Variants in LONRF2 observed in about 807,000 individuals in gnomAD.
LONRF2 encodes the protein LON peptidase N-terminal domain and ring finger 2, also known as LON peptidase N-terminal domain and RING finger protein 2.
A neutral mutation model predicts 66.6 loss-of-function variants in LONRF2; 35 were observed. The ratio of observed to expected loss-of-function variants is 0.53; its 90% CI spans 0.40 to 0.70. The LOEUF is 0.70. Ranked by LOEUF, LONRF2 falls within the 30% of genes least tolerant of loss-of-function variation. The pLI is 0.00. For missense variants in LONRF2, 902 were observed against 1,002.1 expected (o/e 0.90, Z 1.35); for synonymous variants, 417 against 418.1 (o/e 1.00, Z 0.03).
At chr2:100,284,897 T>C (rs1233231325) in intron 11 of LONRF2, among the ~76,000 whole-genome samples, 4 of 152,246 alleles carry the variant, frequency 2.6e-5, no homozygotes, top group Admixed American at 2.6e-4. Flanking sequence ...AGGCTAAAAG[T>C]ATGTGTACAA....
chr2:100,300,746 A>G lies in LONRF2; in HGVS notation c.963T>C (p.His321=), dbSNP rs759301538. 1.2e-6 allele frequency: 2 copies of G among 1,613,122 alleles called. No homozygotes were observed. The highest frequency in any genetic ancestry group is 8.5e-7 in the Non-Finnish European group (1 of 1,179,680). ...TTTGGATGGAAGATGTTAAATTTTC[A>G]TGCACATTTGCTGTAGCTGAAAACA... ...EVLFSATANV[H]ENLTSSIQSR... is the part of the protein sequence containing the mutation. The change falls in exon 4 of 12, where the codon CAT becomes CAC. Residue 321 remains histidine, a synonymous_variant. Coordinates refer to ENST00000393437, the MANE Select transcript of LONRF2 (RefSeq NM_198461.4).
In LONRF2 at chr2:100,295,445, A is replaced by T; in HGVS notation, c.1585T>A (p.Ser529Thr). ...ATGAGCACTTACTTTGACAGTTCTG[A>T]CATTTCTTCATCATAAATTCTCTTC... ...DRKRIYDEEMSELSNLTRDVP... is the reference protein window; with the variant it reads ...DRKRIYDEEMTELSNLTRDVP... Residue 529 changes from serine to threonine, a missense_variant, in exon 8 of 12, where the codon TCA (serine) becomes ACA (threonine). By Grantham distance (58) the Ser-to-Thr change is moderately conservative. Coordinates refer to ENST00000393437, the MANE Select transcript of LONRF2 (RefSeq NM_198461.4). 1 of 1,613,788 alleles carries T rather than the reference A, an allele frequency of 6.2e-7. No homozygotes were observed. Among genetic ancestry groups the T allele is most frequent in the Non-Finnish European group, 8.5e-7 (1 of 1,179,876 alleles).
At chr2:100,309,981 G>C (rs1303562701) in intron 1 of LONRF2, among the ~76,000 whole-genome samples, 3 of 151,876 alleles carry the variant, frequency 2.0e-5, no homozygotes, top group Non-Finnish European at 4.4e-5. Context: ...CCCATAATTT[G>C]TTTTTCTACA....
chr2:100,320,784 G>A (rs1271598409), intron 1 of LONRF2, among the ~76,000 whole-genome samples: 1 of 152,184 alleles, frequency 6.6e-6, no homozygotes, highest in Non-Finnish European at 1.5e-5. Flanking sequence ...GTGAAGGCAG[G>A]AGAGTGCCTG....
At chr2:100,315,691 G>T (rs1167291767) in intron 1 of LONRF2, among the ~76,000 whole-genome samples, 1 of 152,102 alleles carries the variant, frequency 6.6e-6, no homozygotes, top group Non-Finnish European at 1.5e-5. Context: ...AACTTAACCT[G>T]CTTGCTACTG....
intron 7 of LONRF2, among the ~76,000 whole-genome samples, chr2:100,297,570 T>C (rs1019024192): frequency 6.6e-6 from 1 of 152,188 alleles, no homozygotes; most frequent in Middle Eastern, 3.2e-3. Context: ...TTTATTCTTG[T>C]AAGAACAGAT....
chr2:100,284,873 G>A (rs1200500385), intron 11 of LONRF2, among the ~76,000 whole-genome samples: 1 of 152,124 alleles, frequency 6.6e-6, no homozygotes, highest in Non-Finnish European at 1.5e-5. Flanking sequence ...GCCATATAAA[G>A]CATAATATTA....
At chr2:100,297,442 G>A (rs1675093582) in intron 7 of LONRF2, among the ~76,000 whole-genome samples, 1 of 152,152 alleles carries the variant, frequency 6.6e-6, no homozygotes, top group Admixed American at 6.5e-5. Context: ...CGGCCAAGCA[G>A]CTTCTATTCT....
At chr2:100,305,321 G>C (rs1468616561) in intron 2 of LONRF2, among the ~76,000 whole-genome samples, 9 of 151,994 alleles carry the variant, frequency 5.9e-5, no homozygotes, top group African/African-American at 2.2e-4. Context: ...TTTTAATACA[G>C]TTCTTATAAC....
At chr2:100,318,168 T>C (rs60619227) in intron 1 of LONRF2, among the ~76,000 whole-genome samples, 1,597 of 152,310 alleles carry the variant, frequency 0.01, 30 homozygotes, top group African/African-American at 0.037. Flanking sequence ...GTGATTCAGT[T>C]TGGATATTTT....
At chr2:100,312,574 T>G (rs1214993819) in intron 1 of LONRF2, among the ~76,000 whole-genome samples, 1 of 152,238 alleles carries the variant, frequency 6.6e-6, no homozygotes, top group Non-Finnish European at 1.5e-5. Flanking sequence ...CATTTAAGTC[T>G]CTACTCCTCA....
intron 9 of LONRF2, among the ~76,000 whole-genome samples, 195 bp downstream of exon 9, chr2:100,294,034 C>T (rs1420794707): frequency 6.6e-6 from 1 of 152,104 alleles, no homozygotes; most frequent in Non-Finnish European, 1.5e-5. Flanking sequence ...GGGTGTGATA[C>T]TTGAAAGGAA....
intron 3 of LONRF2, 90 bp downstream of exon 3, chr2:100,302,831 T>A: frequency 8.0e-7 from 1 of 1,255,938 alleles, no homozygotes; most frequent in South Asian, 2.2e-5. Flanking sequence ...ATTATATTTC[T>A]TGTTTATTTC....
chr2:100,283,307 T>C lies in LONRF2; in HGVS notation c.*991A>G, dbSNP rs1271485539. On this transcript the variant is annotated 3_prime_UTR_variant, in exon 12 of 12. Coordinates refer to ENST00000393437, the MANE Select transcript of LONRF2 (RefSeq NM_198461.4). ...CCGGCCATCCTCCCTTCATATATTCTGATCTATTTTCCTGGAATAGATAGA... is the reference window on the plus strand; with the variant it reads ...CCGGCCATCCTCCCTTCATATATTCCGATCTATTTTCCTGGAATAGATAGA... The C allele has an allele frequency of 6.6e-6, 1 of 152,236 alleles. No homozygotes were observed. Among genetic ancestry groups the C allele is most frequent in the African/African-American group, 2.4e-5 (1 of 41,460 alleles). 9.4% of individuals were successfully genotyped at this position (152,236 alleles called of 1,614,324 possible).
Position 100,282,114 on chromosome 2 carries a change from G to A in LONRF2, c.*2184C>T, listed in dbSNP as rs1321048558. ...TAAAAACCTATCAAAAAATAAAAAC[G>A]TATGTTGCTCTCGTCTGCGTCATCA... is the stretch of plus-strand genomic sequence containing the variant. On this transcript the variant is annotated 3_prime_UTR_variant, in exon 12 of 12. Coordinates refer to ENST00000393437, the MANE Select transcript of LONRF2 (RefSeq NM_198461.4). The A allele has an allele frequency of 2.0e-5, 3 of 152,122 alleles. No individual in the cohort carries two copies. Among genetic ancestry groups the A allele is most frequent in the South Asian group, 4.1e-4 (2 of 4,832 alleles). 9.4% of individuals were successfully genotyped at this position (152,122 alleles called of 1,614,324 possible).
intron 1 of LONRF2, among the ~76,000 whole-genome samples, chr2:100,313,293 G>T (rs1053378357): frequency 6.6e-6 from 1 of 152,178 alleles, no homozygotes; most frequent in African/African-American, 2.4e-5. Context: ...TCAGAAGTTT[G>T]AGACCAGCCT....
chr2:100,309,390 C>T (rs1414408196), intron 1 of LONRF2, 165 bp from the exon 2 acceptor site: 2 of 370,264 alleles, frequency 5.4e-6, no homozygotes, highest in African/African-American at 2.1e-5. Context: ...ATTCCTCCCT[C>T]CAATCATATT....
At position 100,283,368 on chromosome 2, in the gene LONRF2, A is replaced by G. The variant is rs1198364736; in HGVS notation, c.*930T>C. The stretch of plus-strand genomic sequence containing the variant: ...ATGGCAGATTTTTTAATGTTTTTGT[A>G]TATTAATAAATGGATAGTAAACTGA... On this transcript the variant is annotated 3_prime_UTR_variant, in exon 12 of 12. Coordinates refer to ENST00000393437, the MANE Select transcript of LONRF2 (RefSeq NM_198461.4). The G allele has an allele frequency of 6.6e-6, 1 of 152,180 alleles. No homozygotes were observed. Among genetic ancestry groups the G allele is most frequent in the Non-Finnish European group, 1.5e-5 (1 of 68,024 alleles). 9.4% of individuals were successfully genotyped at this position (152,180 alleles called of 1,614,324 possible).
Position 100,276,408 on chromosome 2 carries a change from C to T in LONRF2, c.*7890G>A, listed in dbSNP as rs1022478395. Reference sequence around the variant, plus strand: ...CTAAATTTCCTGTGGTCATAGTACCCAACGCCCTAATATCCCATATTGAAC... The same window carrying T: ...CTAAATTTCCTGTGGTCATAGTACCTAACGCCCTAATATCCCATATTGAAC... On this transcript the variant is annotated 3_prime_UTR_variant, in exon 12 of 12. Transcript: ENST00000393437. 1 of 152,066 alleles carries T rather than the reference C, an allele frequency of 6.6e-6. No individual in the cohort carries two copies. The highest frequency in any genetic ancestry group is 2.4e-5 in the African/African-American group (1 of 41,388). 9.4% of individuals were successfully genotyped at this position (152,066 alleles called of 1,614,324 possible). A position where few individuals can be genotyped will look rare whatever the true frequency, so the allele number is the denominator to read the frequency against.
Sources: allele counts gnomAD v4.1 joint callset (sites outside exome capture counted in the v4.1 genomes callset), GRCh38; gene constraint gnomAD v4.1.1; transcripts MANE v1.5; gene names NCBI Gene and HGNC (gene_info 2026-07-23, HGNC 2026-07-21).